Variants in LRMDA observed in about 807,000 individuals in gnomAD.
LRMDA encodes the protein leucine-rich melanocyte differentiation-associated protein.
Under a neutral mutation model 29.8 loss-of-function variants are expected in LRMDA, and 18 were observed. The ratio of observed to expected loss-of-function variants is 0.60; its 90% CI spans 0.42 to 0.90. The LOEUF is 0.90. LRMDA is among the 40% of genes least tolerant of loss of function. LRMDA has a pLI of 0.00. For synonymous variants in LRMDA, 125 were observed against 109.4 expected (o/e 1.14, Z -0.89); for missense variants, 273 against 273.9 (o/e 1.00, Z 0.02).
chr10:76,013,754 C>T (rs1847826875), intron 2 of LRMDA, among the ~76,000 whole-genome samples: 1 of 152,028 alleles, frequency 6.6e-6, no homozygotes, highest in East Asian at 1.9e-4. Flanking sequence ...CTCTCTGTCA[C>T]CACCCTATTT....
intron 5 of LRMDA, among the ~76,000 whole-genome samples, chr10:76,306,791 T>G (rs1328180497): frequency 6.6e-6 from 1 of 152,218 alleles, no homozygotes; most frequent in Non-Finnish European, 1.5e-5. Flanking sequence ...GTGCTACTCT[T>G]TTGTACTGGT....
chr10:76,023,438 T>C (rs752741930), intron 2 of LRMDA, among the ~76,000 whole-genome samples: 45 of 152,192 alleles, frequency 3.0e-4, no homozygotes, highest in Non-Finnish European at 6.0e-4. Flanking sequence ...GCTCTCTTTT[T>C]TTGGCCATCT....
At chr10:75,618,183 A>G (rs1799219898) in intron 2 of LRMDA, among the ~76,000 whole-genome samples, 2 of 151,954 alleles carry the variant, frequency 1.3e-5, no homozygotes, top group African/African-American at 4.8e-5. Flanking sequence ...CTAAGTTGGC[A>G]TTTTCTTCTC....
intron 2 of LRMDA, among the ~76,000 whole-genome samples, chr10:75,895,757 G>C (rs191499084): frequency 6.6e-6 from 1 of 152,216 alleles, no homozygotes; most frequent in Admixed American, 6.5e-5. Flanking sequence ...AAGGCAGAAG[G>C]CCTTTCTGAA....
At chr10:75,487,097 T>C (rs1844924740) in intron 2 of LRMDA, among the ~76,000 whole-genome samples, 1 of 152,216 alleles carries the variant, frequency 6.6e-6, no homozygotes. Context: ...TTTAACACTG[T>C]TGATAAATCA....
chr10:75,673,112 G>A (rs904258226), intron 2 of LRMDA, among the ~76,000 whole-genome samples: 1 of 152,076 alleles, frequency 6.6e-6, no homozygotes, highest in African/African-American at 2.4e-5. Context: ...GAGGCCTTGT[G>A]CTTCCTCAGC....
At chr10:75,886,405 A>G (rs1845390376) in intron 2 of LRMDA, among the ~76,000 whole-genome samples, 1 of 152,200 alleles carries the variant, frequency 6.6e-6, no homozygotes, top group South Asian at 2.1e-4. Flanking sequence ...CATATCAGGG[A>G]AGAAATTATC....
At chr10:76,485,174 G>C (rs1337096326) in intron 6 of LRMDA, among the ~76,000 whole-genome samples, 1 of 151,754 alleles carries the variant, frequency 6.6e-6, no homozygotes, top group Non-Finnish European at 1.5e-5. Flanking sequence ...TACCATGTTT[G>C]TAACTTTTCC....
chr10:75,845,090 T>C, intron 2 of LRMDA, among the ~76,000 whole-genome samples: 1 of 152,278 alleles, frequency 6.6e-6, no homozygotes, highest in Middle Eastern at 3.4e-3. Flanking sequence ...GAATATAACT[T>C]AAATGTGTAA....
chr10:76,006,984 G>GTGTGTGTT (rs1847675440), intron 2 of LRMDA, among the ~76,000 whole-genome samples: 1 of 8,674 alleles, frequency 1.2e-4, no homozygotes, highest in Non-Finnish European at 2.8e-4. Context: ...TGGAGAAGGC[G>GTGTGTGTT]TGTGTGTGTG....
At chr10:75,893,707 G>A (rs542183250) in intron 2 of LRMDA, among the ~76,000 whole-genome samples, 10 of 152,198 alleles carry the variant, frequency 6.6e-5, no homozygotes, top group South Asian at 2.1e-4. Context: ...AGGCCGAGGC[G>A]GGTGGACCTT....
chr10:76,293,717 C>T (rs1490554146), intron 5 of LRMDA, among the ~76,000 whole-genome samples: 1 of 152,148 alleles, frequency 6.6e-6, no homozygotes, highest in Non-Finnish European at 1.5e-5. Flanking sequence ...TTTCTGTAAA[C>T]ATTATAAAAT....
intron 2 of LRMDA, among the ~76,000 whole-genome samples, chr10:75,684,538 T>C (rs964161534): frequency 6.6e-6 from 1 of 152,214 alleles, no homozygotes; most frequent in African/African-American, 2.4e-5. Flanking sequence ...TTGGGTCCGC[T>C]GTGGCCATCT....
At chr10:75,683,955 T>C (rs1216451852) in intron 2 of LRMDA, among the ~76,000 whole-genome samples, 1 of 152,182 alleles carries the variant, frequency 6.6e-6, no homozygotes, top group Non-Finnish European at 1.5e-5. Flanking sequence ...CACCAGAGTT[T>C]TATAGGTTTT....
chr10:75,658,142 C>T (rs1841702189), intron 2 of LRMDA, among the ~76,000 whole-genome samples: 1 of 151,958 alleles, frequency 6.6e-6, no homozygotes, highest in Non-Finnish European at 1.5e-5. Context: ...TCAGGCTCTA[C>T]TTGAAGATAA....
At chr10:76,378,702 T>C (rs1841550811) in intron 6 of LRMDA, among the ~76,000 whole-genome samples, 1 of 152,140 alleles carries the variant, frequency 6.6e-6, no homozygotes, top group South Asian at 2.1e-4. Flanking sequence ...TTGCATATGT[T>C]GCAAATCCCT....
At chr10:75,761,864 T>C (rs999732027) in intron 2 of LRMDA, among the ~76,000 whole-genome samples, 9 of 149,154 alleles carry the variant, frequency 6.0e-5, no homozygotes, top group African/African-American at 2.2e-4. Flanking sequence ...AATGCAGTGG[T>C]ATCTTGGCTC....
chr10:75,450,957 G>A (rs926570456), intron 2 of LRMDA: 4 of 152,226 alleles, frequency 2.6e-5, no homozygotes, highest in Admixed American at 2.0e-4. Context: ...TGTGGCAGCT[G>A]GCATGTGATG....
chr10:75,880,484 G>A (rs184731052), intron 2 of LRMDA, among the ~76,000 whole-genome samples: 5 of 152,310 alleles, frequency 3.3e-5, no homozygotes, highest in Non-Finnish European at 7.4e-5. Context: ...GGAAAAACAG[G>A]GGTCAAATAG....
Sources: allele counts gnomAD v4.1 joint callset (sites outside exome capture counted in the v4.1 genomes callset), GRCh38; gene constraint gnomAD v4.1.1; transcripts MANE v1.5; gene names NCBI Gene and HGNC (gene_info 2026-07-23, HGNC 2026-07-21).